Variants in TSC22D1 observed in about 807,000 individuals in gnomAD.
TSC22D1 encodes the protein TSC22 domain family member 1.
Under a neutral mutation model 74.2 loss-of-function variants are expected in TSC22D1, and 9 were observed. That is an observed-to-expected ratio of 0.12 (90% CI 0.07 to 0.21). The LOEUF (loss-of-function observed/expected upper bound fraction) is 0.21. TSC22D1 is among the 10% of genes least tolerant of loss of function. The probability of loss-of-function intolerance (pLI) is 1.00; values close to 1 mark genes in which losing one functional copy is unlikely to be tolerated. For synonymous variants in TSC22D1, 586 were observed against 492.5 expected (o/e 1.19, Z -2.51); for missense variants, 1,427 against 1,304.7 (o/e 1.09, Z -1.44).
At chr13:44,569,780 T>A (rs1020127533) in intron 1 of TSC22D1, among the ~76,000 whole-genome samples, 1 of 152,110 alleles carries the variant, frequency 6.6e-6, no homozygotes, top group African/African-American at 2.4e-5. Flanking sequence ...TGATCCTGCA[T>A]CTCTCACAAT....
chr13:44,437,070 T>A, intron 1 of TSC22D1: 4 of 972,152 alleles, frequency 4.1e-6, no homozygotes, highest in Non-Finnish European at 4.9e-6. Context: ...AGTGGGGTGC[T>A]GGGTTCGGAG....
chr13:44,515,322 A>G (rs1338266646), intron 1 of TSC22D1, among the ~76,000 whole-genome samples: 2 of 152,198 alleles, frequency 1.3e-5, no homozygotes. Context: ...TTTAAAAAGA[A>G]TAAGGTAGTC....
Position 44,469,682 on chromosome 13 carries a change from C to T in TSC22D1, c.2913-33587G>A, listed in dbSNP as rs554412763. On this transcript the variant is annotated intron_variant, in intron 1 of 2. Coordinates refer to ENST00000458659, the MANE Select transcript of TSC22D1 (RefSeq NM_183422.4). ...GAATTGTATTATTTTTACTTGAAAACACATAGTACCATGCCAAGAGGAAAA... is the reference window on the plus strand; with the variant it reads ...GAATTGTATTATTTTTACTTGAAAATACATAGTACCATGCCAAGAGGAAAA... Among the ~76,000 whole-genome samples, 117 of 152,188 alleles carry T rather than the reference C, an allele frequency of 7.7e-4. 1 individual carries two copies. The highest frequency in any genetic ancestry group is 2.8e-3 in the African/African-American group (115 of 41,536).
intron 1 of TSC22D1, among the ~76,000 whole-genome samples, chr13:44,531,051 G>A (rs1055457437): frequency 2.0e-5 from 3 of 152,140 alleles, no homozygotes; most frequent in Admixed American, 2.0e-4. Context: ...TGGTGAATAC[G>A]TGACATGTAT....
intron 1 of TSC22D1, among the ~76,000 whole-genome samples, chr13:44,459,289 T>G (rs1876863106): frequency 6.6e-6 from 1 of 152,182 alleles, no homozygotes; most frequent in Non-Finnish European, 1.5e-5. Context: ...CTATCCACTA[T>G]GGGTCTCCTC....
intron 1 of TSC22D1, among the ~76,000 whole-genome samples, chr13:44,518,542 C>T (rs927559671): frequency 1.3e-5 from 2 of 152,082 alleles, no homozygotes; most frequent in Non-Finnish European, 2.9e-5. Flanking sequence ...CCTATTAAGG[C>T]TGGAATTTAA....
intron 1 of TSC22D1, among the ~76,000 whole-genome samples, chr13:44,494,305 G>A (rs1367066345): frequency 2.8e-5 from 4 of 144,000 alleles, no homozygotes; most frequent in Non-Finnish European, 6.0e-5. Context: ...GAACCCAAGA[G>A]GTGGAGGTTG....
At chr13:44,531,262 G>GT (rs1455484908) in intron 1 of TSC22D1, among the ~76,000 whole-genome samples, 5 of 152,176 alleles carry the variant, frequency 3.3e-5, no homozygotes, top group Non-Finnish European at 1.5e-5. Context: ...TTCCATAAAT[G>GT]TAAAACTGCT....
intron 1 of TSC22D1, among the ~76,000 whole-genome samples, chr13:44,506,633 G>T (rs189661029): frequency 6.6e-6 from 1 of 152,198 alleles, no homozygotes; most frequent in Non-Finnish European, 1.5e-5. Context: ...ACTTAAAAGT[G>T]GATGGGAAAA....
chr13:44,458,641 C>CAGCAAGGG (rs1876810876), intron 1 of TSC22D1, among the ~76,000 whole-genome samples: 1 of 152,154 alleles, frequency 6.6e-6, no homozygotes, highest in Non-Finnish European at 1.5e-5. Flanking sequence ...CTCTCGGGGA[C>CAGCAAGGG]CCAGGAAGCC....
chr13:44,496,727 T>C (rs925107031), intron 1 of TSC22D1, among the ~76,000 whole-genome samples: 2 of 151,826 alleles, frequency 1.3e-5, no homozygotes, highest in East Asian at 3.9e-4. Context: ...TAGTGGGGCA[T>C]AGTGGTATAC....
intron 1 of TSC22D1, among the ~76,000 whole-genome samples, chr13:44,464,656 G>A (rs539137813): frequency 6.6e-6 from 1 of 152,328 alleles, no homozygotes; most frequent in East Asian, 1.9e-4. Flanking sequence ...AGTACAGCTG[G>A]TGAATTACAG....
At position 44,491,079 on chromosome 13, in the gene TSC22D1, A is replaced by C. The variant is rs1037669125; in HGVS notation, c.2913-54984T>G. 3.3e-5 allele frequency among the ~76,000 whole-genome samples: 5 copies of C among 151,922 alleles called. No homozygotes were observed. In the South Asian group the frequency reaches 1.0e-3, roughly 32 times the overall value. On this transcript the variant is annotated intron_variant, in intron 1 of 2. Transcript: ENST00000458659. ...CACTTGGGAGGCTGAGGCACGAAGAATCATTTGAACTCAGGAGGCAGAGGT... is the reference window on the plus strand; with the variant it reads ...CACTTGGGAGGCTGAGGCACGAAGACTCATTTGAACTCAGGAGGCAGAGGT...
intron 1 of TSC22D1, among the ~76,000 whole-genome samples, chr13:44,521,903 T>C (rs2138042660): frequency 6.6e-6 from 1 of 152,306 alleles, no homozygotes; most frequent in East Asian, 1.9e-4. Context: ...GCTGCCTATG[T>C]CTTCTTCCTT....
In TSC22D1 at chr13:44,574,794, A is replaced by G. The variant is rs1566187424; in HGVS notation, c.1281T>C (p.Thr427=). The part of the protein sequence containing the change: ...EPFKKGRWTC[T]EFYEKENAVP... Reference sequence around the variant, plus strand: ...CAGCATTTTCTTTTTCATAGAACTCAGTGCAAGTCCATCTACCTTTTTTAA... The same window carrying G: ...CAGCATTTTCTTTTTCATAGAACTCGGTGCAAGTCCATCTACCTTTTTTAA... Residue 427 remains threonine, a synonymous_variant, in exon 1 of 3, where the codon ACT becomes ACC. Transcript: ENST00000458659. 2 of 1,614,124 alleles carry G rather than the reference A, an allele frequency of 1.2e-6. No homozygotes were observed. The highest frequency in any genetic ancestry group is 1.7e-6 in the Non-Finnish European group (2 of 1,180,042).
intron 1 of TSC22D1, among the ~76,000 whole-genome samples, chr13:44,567,667 A>G (rs866416676): frequency 6.6e-6 from 1 of 152,044 alleles, no homozygotes; most frequent in Non-Finnish European, 1.5e-5. Context: ...ATAGAGCAAA[A>G]AGAAAAACAG....
chr13:44,550,939 CA>C (rs59235877), intron 1 of TSC22D1, among the ~76,000 whole-genome samples: 16,257 of 140,566 alleles, frequency 0.12, 934 homozygotes, highest in Non-Finnish European at 0.13. Context: ...GATCCAGTCT[CA>C]AAAAAAAAAA....
chr13:44,559,004 T>G (rs1882865803), intron 1 of TSC22D1, among the ~76,000 whole-genome samples: 1 of 152,218 alleles, frequency 6.6e-6, no homozygotes, highest in Non-Finnish European at 1.5e-5. Flanking sequence ...CTATCCATTA[T>G]TTCAGAGAAT....
intron 1 of TSC22D1, among the ~76,000 whole-genome samples, chr13:44,470,823 G>A (rs1488680586): frequency 6.6e-6 from 1 of 152,154 alleles, no homozygotes; most frequent in Non-Finnish European, 1.5e-5. Context: ...CAAAAAGCAA[G>A]TTGACGTCAG....
Sources: allele counts gnomAD v4.1 joint callset (sites outside exome capture counted in the v4.1 genomes callset), GRCh38; gene constraint gnomAD v4.1.1; transcripts MANE v1.5; gene names NCBI Gene and HGNC (gene_info 2026-07-23, HGNC 2026-07-21).